Variants in WDR41 observed in about 807,000 individuals in gnomAD.
The protein encoded by WDR41 is WD repeat domain 41.
Under a neutral mutation model 69.3 loss-of-function variants are expected in WDR41, and 63 were observed. The ratio of observed to expected loss-of-function variants is 0.91; its 90% confidence interval spans 0.74 to 1.12. The LOEUF is 1.12. WDR41 is among the 50% of genes most tolerant of loss of function. WDR41 has a pLI of 0.00. For missense variants in WDR41, 543 were observed against 534.5 expected (o/e 1.02, Z -0.16); for synonymous variants, 185 against 192.1 (o/e 0.96, Z 0.31).
intron 2 of WDR41, among the ~76,000 whole-genome samples, chr5:77,474,780 A>T (rs1476452417): frequency 6.6e-6 from 1 of 152,208 alleles, no homozygotes; most frequent in Non-Finnish European, 1.5e-5. Context: ...TAGAAAGCTA[A>T]ACTACACATC....
At chr5:77,488,874 G>C (rs910555310) in intron 2 of WDR41, among the ~76,000 whole-genome samples, 1 of 152,120 alleles carries the variant, frequency 6.6e-6, no homozygotes, top group African/African-American at 2.4e-5. Flanking sequence ...ATATACAGTT[G>C]AATATGGGCT....
At chr5:77,585,138 AG>A (rs1299524534) in intron 1 of WDR41, among the ~76,000 whole-genome samples, 2 of 151,940 alleles carry the variant, frequency 1.3e-5, no homozygotes, top group Non-Finnish European at 2.9e-5. Context: ...AAAAAAAAAA[AG>A]AACCCATCAA....
chr5:77,587,239 G>A (rs1459248104), intron 1 of WDR41, among the ~76,000 whole-genome samples: 1 of 151,904 alleles, frequency 6.6e-6, no homozygotes, highest in East Asian at 1.9e-4. Context: ...AGTTTCTTCT[G>A]TAAGATGGAC....
At chr5:77,476,802 G>C (rs1181442746) in intron 2 of WDR41, among the ~76,000 whole-genome samples, 3 of 147,560 alleles carry the variant, frequency 2.0e-5, no homozygotes, top group African/African-American at 7.7e-5. Flanking sequence ...CATAATGACA[G>C]GATCAAATTC....
chr5:77,492,079 C>A lies in WDR41; in HGVS notation c.51+91G>T, dbSNP rs1158410122. 2.7e-6 allele frequency: 4 copies of A among 1,493,202 alleles called. No homozygotes were observed. In the African/African-American group the frequency reaches 4.2e-5, roughly 16 times the overall value. The allele number at this position is 1,493,202 out of a possible 1,614,324, so 92.5% of individuals were successfully genotyped here. A position where few individuals can be genotyped will look rare whatever the true frequency, so the allele number is the denominator to read the frequency against. The stretch of plus-strand genomic sequence containing the variant: ...AGCCAGCCCCGCCTCCGCCCGGGTC[C>A]CCGCGGTCGGAACCCAGGAAGGCCG... On this transcript the variant is annotated intron_variant, in intron 1 of 12. Coordinates refer to ENST00000296679, the MANE Select transcript of WDR41 (RefSeq NM_018268.4).
At chr5:77,597,661 T>C (rs1431113253) in intron 1 of WDR41, among the ~76,000 whole-genome samples, 3 of 152,234 alleles carry the variant, frequency 2.0e-5, no homozygotes, top group African/African-American at 4.8e-5. Flanking sequence ...ATTTGTTTTG[T>C]TCACTGCTTT....
At chr5:77,462,977 A>T in intron 4 of WDR41, 118 bp downstream of exon 4, 2 of 1,154,692 alleles carry the variant, frequency 1.7e-6, no homozygotes, top group Non-Finnish European at 1.2e-6. Flanking sequence ...CAGAACAAAA[A>T]TCATTTTTGC....
At chr5:77,447,985 C>T (rs1238060801) in intron 8 of WDR41, among the ~76,000 whole-genome samples, 1 of 152,070 alleles carries the variant, frequency 6.6e-6, no homozygotes, top group African/African-American at 2.4e-5. Flanking sequence ...TTTCCCCTTA[C>T]GAATTTGGCA....
chr5:77,603,811 T>C (rs896603160), intron 1 of WDR41, among the ~76,000 whole-genome samples: 8 of 152,178 alleles, frequency 5.3e-5, no homozygotes, highest in Admixed American at 1.3e-4. Flanking sequence ...GTTTTCTTAG[T>C]ACCATTTATT....
intron 8 of WDR41, among the ~76,000 whole-genome samples, chr5:77,446,863 GC>G (rs2151299253): frequency 1.3e-5 from 2 of 152,258 alleles, no homozygotes; most frequent in Non-Finnish European, 2.9e-5. Context: ...ACAGGCATGG[GC>G]AAAGACTTCA....
intron 1 of WDR41, among the ~76,000 whole-genome samples, chr5:77,611,051 G>A (rs1028386152): frequency 3.9e-5 from 6 of 152,006 alleles, no homozygotes; most frequent in Non-Finnish European, 7.4e-5. Flanking sequence ...GATCAAAAGA[G>A]ACAAACAAGG....
intron 1 of WDR41, among the ~76,000 whole-genome samples, chr5:77,536,941 C>T (rs1452156765): frequency 1.3e-5 from 2 of 152,190 alleles, no homozygotes; most frequent in Non-Finnish European, 2.9e-5. Flanking sequence ...AGTTCCAAGA[C>T]AGGTTTTAAT....
At chr5:77,568,955 T>C (rs1222147222) in intron 1 of WDR41, among the ~76,000 whole-genome samples, 1 of 152,088 alleles carries the variant, frequency 6.6e-6, no homozygotes, top group East Asian at 1.9e-4. Flanking sequence ...GAGACTGCAG[T>C]GTCACAGAGT....
At chr5:77,506,707 A>G (rs1046179017) in intron 1 of WDR41, among the ~76,000 whole-genome samples, 1 of 152,354 alleles carries the variant, frequency 6.6e-6, no homozygotes, top group Middle Eastern at 3.4e-3. Context: ...CCATGCAGCC[A>G]TAAAAAAGGA....
At chr5:77,530,488 C>A (rs1056407931) in intron 1 of WDR41, among the ~76,000 whole-genome samples, 9 of 151,548 alleles carry the variant, frequency 5.9e-5, no homozygotes, top group Non-Finnish European at 1.3e-4. Context: ...AAAAATTATA[C>A]TGGGTGAAAT....
At chr5:77,548,681 G>T (rs575002706) in intron 1 of WDR41, among the ~76,000 whole-genome samples, 6 of 152,306 alleles carry the variant, frequency 3.9e-5, no homozygotes, top group African/African-American at 1.4e-4. Flanking sequence ...CTGCTGGTGG[G>T]AATGTAAACT....
In WDR41 at chr5:77,479,696, G is replaced by T. The variant is rs576477243; in HGVS notation, c.167+9761C>A. Among the ~76,000 whole-genome samples the T allele has an allele frequency of 3.3e-5, 5 of 152,254 alleles. No homozygotes were observed. The South Asian group carries it at 1.0e-3, about 32-fold the overall frequency. On this transcript the variant is annotated intron_variant, in intron 2 of 12. Coordinates refer to ENST00000296679, the MANE Select transcript of WDR41 (RefSeq NM_018268.4). The stretch of plus-strand genomic sequence containing the variant: ...TTCAAGATGGATTAAAGACATAAAC[G>T]TTAGACCTAAAACCATAAAAACCCT...
chr5:77,579,156 G>T (rs1743889826), intron 1 of WDR41, among the ~76,000 whole-genome samples: 1 of 152,020 alleles, frequency 6.6e-6, no homozygotes, highest in African/African-American at 2.4e-5. Flanking sequence ...AGAAATGTGG[G>T]GCTTGACTAA....
At chr5:77,506,783 T>C (rs1028072593) in intron 1 of WDR41, among the ~76,000 whole-genome samples, 2 of 150,620 alleles carry the variant, frequency 1.3e-5, no homozygotes, top group South Asian at 2.1e-4. Flanking sequence ...AAACTATCAC[T>C]AAGACAGAAA....
Sources: gnomAD v4.1 joint callset for allele counts (sites outside exome capture counted in the v4.1 genomes callset) on GRCh38, gnomAD v4.1.1 for gene constraint, MANE v1.5 for transcripts, NCBI Gene and HGNC (gene_info 2026-07-23, HGNC 2026-07-21) for gene names.